Variants in B3GALT1 observed in about 807,000 individuals in gnomAD.
B3GALT1 encodes the protein UDP-Gal:betaGlcNAc beta 1,3-galactosyltransferase, polypeptide 1.
Under a neutral mutation model 23.2 loss-of-function variants are expected in B3GALT1, and 10 were observed. The ratio of observed to expected loss-of-function variants is 0.43; its 90% CI spans 0.27 to 0.73. B3GALT1 has a LOEUF of 0.73. B3GALT1 is among the 30% of genes least tolerant of loss of function. The probability of loss-of-function intolerance (pLI) is 0.21; values close to 1 mark genes in which losing one functional copy is unlikely to be tolerated. For missense variants in B3GALT1, 299 were observed against 405.4 expected (o/e 0.74, Z 2.25); for synonymous variants, 156 against 141.5 (o/e 1.10, Z -0.73).
intron 3 of B3GALT1, among the ~76,000 whole-genome samples, chr2:167,789,573 T>C (rs1318262881): frequency 6.6e-6 from 1 of 152,144 alleles, no homozygotes; most frequent in Non-Finnish European, 1.5e-5. Flanking sequence ...ATAACAATTA[T>C]TATTGAAAGG....
chr2:167,592,982 G>A (rs1440310628), intron 2 of B3GALT1, among the ~76,000 whole-genome samples: 3 of 152,156 alleles, frequency 2.0e-5, no homozygotes, highest in East Asian at 3.9e-4. Context: ...CAAACTAACA[G>A]AAGTTGTGGG....
At chr2:167,807,566 T>G (rs1688781220) in intron 3 of B3GALT1, among the ~76,000 whole-genome samples, 1 of 151,944 alleles carries the variant, frequency 6.6e-6, no homozygotes, top group African/African-American at 2.4e-5. Context: ...CTTCATTTCG[T>G]TATGTACCCA....
chr2:167,335,231 A>G (rs548852980), intron 1 of B3GALT1, among the ~76,000 whole-genome samples: 22 of 147,346 alleles, frequency 1.5e-4, no homozygotes, highest in Admixed American at 1.4e-3. Context: ...AATAAAAAAC[A>G]GTAGTAGTAC....
chr2:167,522,930 C>G (rs1227113), intron 2 of B3GALT1, among the ~76,000 whole-genome samples: 87,527 of 151,994 alleles, frequency 0.58, 29,169 homozygotes, highest in East Asian at 0.99. Flanking sequence ...TTTCAAACAG[C>G]AAGAGCCCTG....
At chr2:167,809,938 C>T (rs945620094) in intron 3 of B3GALT1, among the ~76,000 whole-genome samples, 1 of 152,210 alleles carries the variant, frequency 6.6e-6, no homozygotes, top group South Asian at 2.1e-4. Flanking sequence ...CCACCCAGTT[C>T]GAGCTTCCTG....
intron 2 of B3GALT1, among the ~76,000 whole-genome samples, chr2:167,608,438 G>C (rs1227530267): frequency 6.6e-6 from 1 of 152,092 alleles, no homozygotes; most frequent in Non-Finnish European, 1.5e-5. Flanking sequence ...AGTTTAAAAC[G>C]CTTGTATTTA....
At chr2:167,605,825 G>A (rs1684953740) in intron 2 of B3GALT1, among the ~76,000 whole-genome samples, 1 of 152,140 alleles carries the variant, frequency 6.6e-6, no homozygotes, top group Admixed American at 6.5e-5. Context: ...TATATGCTCA[G>A]TTTGTCAATT....
chr2:167,634,666 T>C (rs1685516231), intron 2 of B3GALT1, among the ~76,000 whole-genome samples: 2 of 152,046 alleles, frequency 1.3e-5, no homozygotes, highest in Non-Finnish European at 2.9e-5. Context: ...GTCAAATCCC[T>C]GAATAGACCA....
At chr2:167,563,898 GGC>G (rs1246898191) in intron 2 of B3GALT1, among the ~76,000 whole-genome samples, 1 of 2,812 alleles carries the variant, frequency 3.6e-4, no homozygotes, top group Non-Finnish European at 7.9e-4. Context: ...CGGCCGGCCG[GGC>G]GGGGCCGATC....
In B3GALT1 at chr2:167,869,255, A is replaced by G; in HGVS notation, c.216A>G (p.Lys72=). The change falls in exon 5 of 5, where the codon AAA becomes AAG. Residue 72 remains lysine (K), a synonymous_variant. Transcript: ENST00000392690. The surrounding 1 kb of genome is among the most constrained non-coding windows in gnomAD (Gnocchi z 6.4). ...AATTTCTTATCAACGAGCCCAATAAATGTGAGAAAAACATTCCTTTTCTTG... is the reference window on the plus strand; with the variant it reads ...AATTTCTTATCAACGAGCCCAATAAGTGTGAGAAAAACATTCCTTTTCTTG... The part of the protein sequence containing the change: ...SFEFLINEPN[K]CEKNIPFLVI... 6.2e-7 allele frequency: 1 copy of G among 1,614,184 alleles called. No homozygotes were observed. Among genetic ancestry groups the G allele is most frequent in the Non-Finnish European group, 8.5e-7 (1 of 1,180,026 alleles).
chr2:167,325,296 G>C (rs886649372), intron 1 of B3GALT1, among the ~76,000 whole-genome samples: 1 of 151,958 alleles, frequency 6.6e-6, no homozygotes, highest in African/African-American at 2.4e-5. Flanking sequence ...AATTTATAAG[G>C]AAAAGAGGTT....
At chr2:167,362,135 AT>A (rs1013968505) in intron 1 of B3GALT1, among the ~76,000 whole-genome samples, 137 of 149,176 alleles carry the variant, frequency 9.2e-4, no homozygotes, top group African/African-American at 2.9e-3. Flanking sequence ...GGTAGCAGAG[AT>A]TTTTTTTTTT....
chr2:167,428,438 G>A (rs946753675), intron 1 of B3GALT1, among the ~76,000 whole-genome samples: 7 of 152,130 alleles, frequency 4.6e-5, no homozygotes, highest in Non-Finnish European at 7.3e-5. Context: ...ACTTTGGGGG[G>A]CTGAGGTGAG....
intron 1 of B3GALT1, among the ~76,000 whole-genome samples, chr2:167,459,369 A>G (rs1274269174): frequency 6.6e-6 from 1 of 152,200 alleles, no homozygotes; most frequent in Non-Finnish European, 1.5e-5. Flanking sequence ...GCTTAACTTC[A>G]GTAACATACA....
At chr2:167,480,604 A>AC (rs1559109831) in intron 1 of B3GALT1, among the ~76,000 whole-genome samples, 3 of 152,154 alleles carry the variant, frequency 2.0e-5, no homozygotes, top group African/African-American at 7.2e-5. Context: ...AAAAAAACAA[A>AC]AAACAAACAA....
intron 4 of B3GALT1, among the ~76,000 whole-genome samples, chr2:167,865,892 T>C (rs1197168824): frequency 6.6e-6 from 1 of 152,166 alleles, no homozygotes; most frequent in African/African-American, 2.4e-5. Flanking sequence ...ATTTCACAGA[T>C]GGGTAACTAG....
chr2:167,668,470 G>C (rs1686253229), intron 3 of B3GALT1, among the ~76,000 whole-genome samples: 1 of 152,148 alleles, frequency 6.6e-6, no homozygotes, highest in South Asian at 2.1e-4. Flanking sequence ...AGCTGTGGTG[G>C]GCTTCACCCA....
intron 1 of B3GALT1, among the ~76,000 whole-genome samples, chr2:167,418,714 G>A (rs1266479638): frequency 8.3e-6 from 1 of 120,624 alleles, no homozygotes; most frequent in Non-Finnish European, 1.7e-5. Context: ...TTTTACTCTT[G>A]TCGCCCAGGC....
chr2:167,819,895 T>G (rs1029779184), intron 4 of B3GALT1, among the ~76,000 whole-genome samples: 4 of 152,198 alleles, frequency 2.6e-5, no homozygotes, highest in African/African-American at 7.2e-5. Flanking sequence ...AGTTGATAGT[T>G]TTCTCCCTCC....
Sources: allele counts gnomAD v4.1 joint callset (sites outside exome capture counted in the v4.1 genomes callset), GRCh38; gene constraint gnomAD v4.1.1; non-coding constraint Gnocchi (gnomAD v3.1); transcripts MANE v1.5; gene names NCBI Gene and HGNC (gene_info 2026-07-23, HGNC 2026-07-21).